DNAAF5: variants seen among roughly 807,000 people sequenced by gnomAD.
DNAAF5 encodes dynein axonemal assembly factor 5.
DNAAF5 carries 64 observed loss-of-function variants against 75.8 expected under a neutral mutation model. The ratio of observed to expected loss-of-function variants is 0.84; its 90% confidence interval spans 0.69 to 1.04. The LOEUF (loss-of-function observed/expected upper bound fraction) is 1.04. Among genes scored for constraint, DNAAF5 ranks in the 50% least tolerant of loss-of-function variants. The pLI, the probability that DNAAF5 is intolerant of heterozygous loss-of-function variation, is 0.00. For synonymous variants in DNAAF5, 657 were observed against 557.2 expected (o/e 1.18, Z -2.52); for missense variants, 1,269 against 1,178.5 (o/e 1.08, Z -1.12).
In DNAAF5 at chr7:727,180, G is replaced by T; in HGVS notation, c.460G>T (p.Asp154Tyr). ...TGTGCAGCTGCTGGGCCTGGCCGTG[G>T]ACCTGTGCGGCGCCGCGCTCGCGCC... ...ALVQLLGLAV[D>Y]LCGAALAPHL... Residue 154 changes from aspartate (D) to tyrosine (Y), a missense_variant, in exon 1 of 13, where the codon GAC (aspartate) becomes TAC (tyrosine). Physicochemically the swap from Asp to Tyr is radical, Grantham distance 160. Coordinates refer to ENST00000297440, the MANE Select transcript of DNAAF5 (RefSeq NM_017802.4). The T allele has an allele frequency of 7.5e-7, 1 of 1,338,844 alleles. No homozygotes were observed. Among genetic ancestry groups the T allele is most frequent in the Non-Finnish European group, 9.6e-7 (1 of 1,040,258 alleles). The allele number at this position is 1,338,844 out of a possible 1,614,324, so 82.9% of individuals were successfully genotyped here. A position where few individuals can be genotyped will look rare whatever the true frequency, so the allele number is the denominator to read the frequency against.
chr7:783,205 T>TCCGC (rs1267494253), intron 12 of DNAAF5, among the ~76,000 whole-genome samples: 1 of 152,216 alleles, frequency 6.6e-6, no homozygotes, highest in East Asian at 1.9e-4. Context: ...TGCTCGTCCG[T>TCCGC]CCGCCATTCT....
At chr7:777,525 T>C (rs1778803765) in intron 11 of DNAAF5, among the ~76,000 whole-genome samples, 1 of 136,116 alleles carries the variant, frequency 7.3e-6, no homozygotes, top group Non-Finnish European at 1.6e-5. Context: ...AATGGTGTGC[T>C]GGCACTACTT....
intron 8 of DNAAF5, among the ~76,000 whole-genome samples, 187 bp from the exon 9 acceptor site, chr7:770,284 G>C (rs916479651): frequency 1.3e-5 from 2 of 151,984 alleles, no homozygotes; most frequent in Non-Finnish European, 2.9e-5. Context: ...ACGTGATTTT[G>C]GGGGGTTAAA....
At position 785,798 on chromosome 7, in the gene DNAAF5, T is replaced by G; in HGVS notation, c.*145T>G. The G allele has an allele frequency of 1.2e-6, 1 of 834,854 alleles. No homozygotes were observed. The highest frequency in any genetic ancestry group is 1.8e-6 in the Non-Finnish European group (1 of 554,590). The allele number at this position is 834,854 out of a possible 1,614,324, so 51.7% of individuals were successfully genotyped here. ...CTCCTCAGGACACCTGCCCACTCTT[T>G]CCCTGGAATAACAGCCTCTGAGTGG... On this transcript the variant is annotated 3_prime_UTR_variant, in exon 13 of 13. Transcript: ENST00000297440.
At chr7:773,806 A>T (rs968502131) in intron 9 of DNAAF5, among the ~76,000 whole-genome samples, 1 of 152,072 alleles carries the variant, frequency 6.6e-6, no homozygotes, top group African/African-American at 2.4e-5. Flanking sequence ...AACAGGACCT[A>T]CGCGGGCCGC....
chr7:749,359 A>G (rs1003826695), intron 4 of DNAAF5, among the ~76,000 whole-genome samples: 1 of 152,178 alleles, frequency 6.6e-6, no homozygotes, highest in Non-Finnish European at 1.5e-5. Context: ...AAGCGTCTCG[A>G]TGCTGGTGAG....
At chr7:769,177 C>T (rs1249750780) in intron 8 of DNAAF5, 3 of 774,486 alleles carry the variant, frequency 3.9e-6, no homozygotes, top group East Asian at 2.4e-5. Context: ...AGAAGGCTCA[C>T]ATCGCGAGGT....
chr7:734,958 G>A (rs1291696197), intron 2 of DNAAF5, among the ~76,000 whole-genome samples: 1 of 152,056 alleles, frequency 6.6e-6, no homozygotes, highest in Non-Finnish European at 1.5e-5. Context: ...TCATAGTGTT[G>A]TTCTTCATGG....
At chr7:739,270 G>C (rs927851972) in intron 2 of DNAAF5, among the ~76,000 whole-genome samples, 2 of 152,242 alleles carry the variant, frequency 1.3e-5, no homozygotes. Context: ...CTCAGCACAT[G>C]GCACTGGGTG....
chr7:752,220 C>A (rs1782320420), intron 4 of DNAAF5, among the ~76,000 whole-genome samples: 1 of 152,262 alleles, frequency 6.6e-6, no homozygotes, highest in South Asian at 2.1e-4. Flanking sequence ...AGAAAGTGAA[C>A]TTGGAGTCAA....
intron 4 of DNAAF5, among the ~76,000 whole-genome samples, chr7:744,705 G>A (rs1426274177): frequency 1.3e-5 from 2 of 152,190 alleles, no homozygotes; most frequent in Non-Finnish European, 2.9e-5. Flanking sequence ...CACTGTTGGT[G>A]GGACTGTAAA....
chr7:748,818 A>G (rs1489041169), intron 4 of DNAAF5, among the ~76,000 whole-genome samples: 1 of 152,190 alleles, frequency 6.6e-6, no homozygotes, highest in Non-Finnish European at 1.5e-5. Context: ...TCTTACCAGC[A>G]AGAACGGACA....
Position 785,633 on chromosome 7 carries a change from G to A in DNAAF5, c.2548G>A (p.Ala850Thr). The change falls in exon 13 of 13, where the codon GCC becomes ACC. Residue 850 changes from alanine to threonine, a missense_variant. Coordinates refer to ENST00000297440, the MANE Select transcript of DNAAF5 (RefSeq NM_017802.4). ...CGAGCAGCTCCTGCAGCATGTGCAG[G>A]CCGTGCCAGCCACACAGTGACCACG... ...YCEQLLQHVQ[A>T]VPATQ 1 of 1,612,936 alleles carries A rather than the reference G, an allele frequency of 6.2e-7. No individual in the cohort carries two copies. Among genetic ancestry groups the A allele is most frequent in the Non-Finnish European group, 8.5e-7 (1 of 1,179,988 alleles).
intron 5 of DNAAF5, 123 bp from the exon 6 acceptor site, chr7:756,659 T>G: frequency 1.2e-6 from 1 of 836,584 alleles, no homozygotes; most frequent in East Asian, 2.4e-5. Context: ...AAGGACTCAC[T>G]CTGCCTAACA....
intron 4 of DNAAF5, among the ~76,000 whole-genome samples, chr7:745,762 C>T (rs1782080351): frequency 6.6e-6 from 1 of 152,240 alleles, no homozygotes; most frequent in African/African-American, 2.4e-5. Flanking sequence ...ACATACACAT[C>T]CTGCCCTACC....
At chr7:760,872 A>T (rs928531895) in intron 6 of DNAAF5, among the ~76,000 whole-genome samples, 1 of 152,164 alleles carries the variant, frequency 6.6e-6, no homozygotes, top group Non-Finnish European at 1.5e-5. Context: ...AAGCCATAGA[A>T]TTTTATTTGT....
chr7:770,284 G>A (rs916479651), intron 8 of DNAAF5, among the ~76,000 whole-genome samples, 187 bp from the exon 9 acceptor site: 1 of 151,984 alleles, frequency 6.6e-6, no homozygotes, highest in Non-Finnish European at 1.5e-5. Flanking sequence ...ACGTGATTTT[G>A]GGGGGTTAAA....
intron 2 of DNAAF5, among the ~76,000 whole-genome samples, chr7:734,403 G>T (rs1781671430): frequency 6.6e-6 from 1 of 152,196 alleles, no homozygotes; most frequent in East Asian, 1.9e-4. Context: ...CACATTGATG[G>T]ATTTGTGTAT....
At chr7:785,405 T>TA in intron 12 of DNAAF5, 112 bp from the exon 13 acceptor site, 5 of 1,183,490 alleles carry the variant, frequency 4.2e-6, no homozygotes, top group Non-Finnish European at 6.1e-6. Flanking sequence ...TCAGGTTATT[T>TA]GCAGATGCTT....
Sources: allele counts gnomAD v4.1 joint callset (sites outside exome capture counted in the v4.1 genomes callset), GRCh38; gene constraint gnomAD v4.1.1; transcripts MANE v1.5; gene names NCBI Gene and HGNC (gene_info 2026-07-23, HGNC 2026-07-21).